Variants in XPO4 observed in about 807,000 individuals in gnomAD.
XPO4 encodes exportin-4.
In XPO4, 39 loss-of-function variants were observed where a neutral mutation model predicts 143.0. That is an observed-to-expected ratio of 0.27 (90% CI 0.21 to 0.36). The LOEUF (loss-of-function observed/expected upper bound fraction) is 0.36. Ranked by LOEUF, XPO4 falls within the 10% of genes least tolerant of loss-of-function variation. XPO4 has a pLI of 1.00. For missense variants in XPO4, 907 were observed against 1,348.0 expected, an observed-to-expected ratio of 0.67 and a Z score of 5.12; for synonymous variants, 439 against 474.0, an observed-to-expected ratio of 0.93 and a Z score of 0.96.
intron 1 of XPO4, among the ~76,000 whole-genome samples, chr13:20,898,801 G>A (rs2060592781): frequency 6.6e-6 from 1 of 151,530 alleles, no homozygotes; most frequent in African/African-American, 2.4e-5. Flanking sequence ...CAATAATGTT[G>A]TCTCTAAAAT....
intron 1 of XPO4, among the ~76,000 whole-genome samples, chr13:20,889,887 T>C (rs2138177192): frequency 6.6e-6 from 1 of 152,346 alleles, no homozygotes; most frequent in South Asian, 2.1e-4. Context: ...TTGATGACTC[T>C]AATTGCCATT....
chr13:20,793,301 C>T (rs762950829), intron 18 of XPO4, among the ~76,000 whole-genome samples: 2 of 152,116 alleles, frequency 1.3e-5, no homozygotes, highest in Non-Finnish European at 2.9e-5. Context: ...CCTACATACT[C>T]GTTTTATTCT....
intron 4 of XPO4, among the ~76,000 whole-genome samples, chr13:20,846,387 C>A (rs182976321): frequency 1.5e-4 from 23 of 152,298 alleles, no homozygotes; most frequent in African/African-American, 5.5e-4. Flanking sequence ...GGTGAAAGCC[C>A]TGCTAAAGCT....
intron 6 of XPO4, among the ~76,000 whole-genome samples, chr13:20,829,507 T>C (rs1052518167): frequency 6.6e-6 from 1 of 152,170 alleles, no homozygotes; most frequent in Non-Finnish European, 1.5e-5. Context: ...TTTACCATTT[T>C]AGTAGCTAGC....
At position 20,797,047 on chromosome 13, in the gene XPO4, G is replaced by A; in HGVS notation, c.2333C>T (p.Pro778Leu). Residue 778 changes from proline to leucine, a missense_variant, in exon 17 of 23, where the codon CCA becomes CTA. Physicochemically the swap from Pro to Leu is moderately conservative, Grantham distance 98 (BLOSUM62 -3). Transcript: ENST00000255305. ...KQQYWTEVLQ[P>L]LQQRFLRVIN... ...CACTCTTAAGAATCGCTGCTGAAGT[G>A]GCTGAAGAACCTATAAAAATAAACC... 2 of 1,583,620 alleles carry A rather than the reference G, an allele frequency of 1.3e-6. No homozygotes were observed. The highest frequency in any genetic ancestry group is 8.6e-7 in the Non-Finnish European group (1 of 1,165,516).
At chr13:20,886,302 A>T (rs920421104) in intron 1 of XPO4, among the ~76,000 whole-genome samples, 1 of 151,658 alleles carries the variant, frequency 6.6e-6, no homozygotes, top group African/African-American at 2.4e-5. Context: ...AAAAAAAATC[A>T]TAATGGAAAT....
chr13:20,802,699 A>G (rs1436540324), intron 13 of XPO4, among the ~76,000 whole-genome samples: 1 of 152,198 alleles, frequency 6.6e-6, no homozygotes, highest in African/African-American at 2.4e-5. Flanking sequence ...ATTTTCCCAT[A>G]GAACATTATC....
In XPO4 at chr13:20,855,750, A is replaced by C; in HGVS notation, c.333T>G (p.Val111=). The change falls in exon 4 of 23, where the codon GTT becomes GTG. Residue 111 remains valine, a synonymous_variant. Coordinates refer to ENST00000255305, the MANE Select transcript of XPO4 (RefSeq NM_022459.5). ...VLQRPNLQKY[V]REQILLAVAV... ...CTACTGCTAGTAGAATCTGTTCCCG[A>C]ACATACTTTTGAAGGCTGTAAAACA... 1 of 1,597,686 alleles carries C rather than the reference A, an allele frequency of 6.3e-7. No individual in the cohort carries two copies. The highest frequency in any genetic ancestry group is 1.3e-5 in the African/African-American group (1 of 74,092).
At chr13:20,902,583 G>A in intron 1 of XPO4, 87 bp downstream of exon 1, 7 of 1,406,474 alleles carry the variant, frequency 5.0e-6, no homozygotes, top group Admixed American at 3.1e-5. Context: ...CTTGCCAGTC[G>A]CCAGCCCAGC....
intron 18 of XPO4, among the ~76,000 whole-genome samples, chr13:20,791,991 C>T (rs2059285897): frequency 6.6e-6 from 1 of 152,202 alleles, no homozygotes; most frequent in Non-Finnish European, 1.5e-5. Context: ...GGAACCCCAG[C>T]CTGCTCTGGA....
intron 4 of XPO4, chr13:20,851,972 C>T (rs2060094125): frequency 1.0e-6 from 1 of 985,142 alleles, no homozygotes; most frequent in African/African-American, 1.7e-5. Flanking sequence ...GGTCAAATTA[C>T]CCAAGGGGAA....
intron 13 of XPO4, among the ~76,000 whole-genome samples, chr13:20,804,783 T>C (rs2137869155): frequency 6.6e-6 from 1 of 152,328 alleles, no homozygotes; most frequent in East Asian, 1.9e-4. Context: ...AGATTACATT[T>C]GTATGTCATA....
Position 20,902,188 on chromosome 13 carries a change from T to A in XPO4, c.69+482A>T, listed in dbSNP as rs780134207. 87 of 985,224 alleles carry A rather than the reference T, an allele frequency of 8.8e-5. 1 individual carries two copies. Among genetic ancestry groups the A allele is most frequent in the Admixed American group, 1.8e-4 (3 of 16,248 alleles). 61.0% of individuals were successfully genotyped at this position (985,224 alleles called of 1,614,324 possible). Reference sequence around the variant, plus strand: ...TGCAATTACTCCAGAGGTGGCTGCATGTCAGGGAAGCGCTAGAGGATGCGA... The same window carrying A: ...TGCAATTACTCCAGAGGTGGCTGCAAGTCAGGGAAGCGCTAGAGGATGCGA... On this transcript the variant is annotated intron_variant, in intron 1 of 22. Transcript: ENST00000255305.
At chr13:20,855,512 G>T in intron 4 of XPO4, 115 bp downstream of exon 4, 5 of 1,012,420 alleles carry the variant, frequency 4.9e-6, no homozygotes, top group Non-Finnish European at 6.5e-6. Context: ...AAAATTGCTT[G>T]ACTGATAGCT....
chr13:20,834,020 T>C (rs1246714543), intron 6 of XPO4, among the ~76,000 whole-genome samples: 1 of 152,108 alleles, frequency 6.6e-6, no homozygotes, highest in Non-Finnish European at 1.5e-5. Context: ...GAATTTTGTC[T>C]CCAGAGTCTC....
At chr13:20,877,258 C>T (rs1238871461) in intron 1 of XPO4, among the ~76,000 whole-genome samples, 1 of 152,186 alleles carries the variant, frequency 6.6e-6, no homozygotes, top group African/African-American at 2.4e-5. Flanking sequence ...ACAACTATGC[C>T]TTCACTCTTC....
At chr13:20,822,912 T>C (rs1566585547) in intron 7 of XPO4, among the ~76,000 whole-genome samples, 1 of 152,214 alleles carries the variant, frequency 6.6e-6, no homozygotes, top group South Asian at 2.1e-4. Flanking sequence ...CTTAAATCCA[T>C]TTAAAGCTAA....
At chr13:20,871,673 A>G (rs571520636) in intron 1 of XPO4, among the ~76,000 whole-genome samples, 1 of 152,214 alleles carries the variant, frequency 6.6e-6, no homozygotes, top group Non-Finnish European at 1.5e-5. Flanking sequence ...TGGATCATAC[A>G]TTCTTTCTTA....
At chr13:20,894,022 A>G (rs2060544364) in intron 1 of XPO4, among the ~76,000 whole-genome samples, 1 of 151,994 alleles carries the variant, frequency 6.6e-6, no homozygotes, top group South Asian at 2.1e-4. Context: ...TTGTATTTTT[A>G]GTAGAGACAG....
Sources: gnomAD v4.1 joint callset for allele counts (sites outside exome capture counted in the v4.1 genomes callset) on GRCh38, gnomAD v4.1.1 for gene constraint, MANE v1.5 for transcripts, NCBI Gene and HGNC (gene_info 2026-07-23, HGNC 2026-07-21) for gene names.